Variants in AMBP observed in about 807,000 individuals in gnomAD.
The protein encoded by AMBP is alpha-1-microglobulin/bikunin precursor.
A neutral mutation model predicts 46.3 loss-of-function variants in AMBP; 37 were observed. The observed-to-expected ratio is 0.80, with a 90% CI of 0.61 to 1.05. The LOEUF (loss-of-function observed/expected upper bound fraction) is 1.05. AMBP is among the 50% of genes least tolerant of loss of function. The probability of loss-of-function intolerance (pLI) is 0.00; values close to 1 mark genes in which losing one functional copy is unlikely to be tolerated. For synonymous variants in AMBP, 174 were observed against 175.9 expected (o/e 0.99, Z 0.09); for missense variants, 475 against 461.2 (o/e 1.03, Z -0.27).
intron 7 of AMBP, 105 bp from the exon 8 acceptor site, chr9:114,061,696 T>C: frequency 7.5e-7 from 1 of 1,327,318 alleles, no homozygotes; most frequent in South Asian, 1.6e-5. Flanking sequence ...ACTAAAAGGA[T>C]TATCAATTCT....
At chr9:114,077,956 T>G (rs369878777) in intron 1 of AMBP, 137 bp downstream of exon 1, 5 of 867,324 alleles carry the variant, frequency 5.8e-6, no homozygotes, top group South Asian at 3.0e-5. Context: ...GAGCTGTACC[T>G]TCAAAGGATC....
chr9:114,062,790 C>T (rs758041826), intron 6 of AMBP, 32 bp from the exon 7 acceptor site: 3 of 1,602,926 alleles, frequency 1.9e-6, no homozygotes, highest in African/African-American at 2.7e-5. Context: ...GAAGCAGTTG[C>T]AGACTCCTTG....
At chr9:114,061,375 A>C (rs1265278315) in intron 8 of AMBP, 49 bp downstream of exon 8, 9 of 1,610,660 alleles carry the variant, frequency 5.6e-6, no homozygotes, top group Non-Finnish European at 6.8e-6. Flanking sequence ...TACTGGAGGG[A>C]CAGGGTCTTG....
At chr9:114,073,421 T>C (rs1846766661) in intron 4 of AMBP, among the ~76,000 whole-genome samples, 1 of 151,172 alleles carries the variant, frequency 6.6e-6, no homozygotes, top group Non-Finnish European at 1.5e-5. Flanking sequence ...TAATGTTTTG[T>C]ATTTTCAGTA....
intron 5 of AMBP, 71 bp from the exon 6 acceptor site, chr9:114,069,816 G>C: frequency 6.6e-7 from 1 of 1,510,322 alleles, no homozygotes; most frequent in Non-Finnish European, 9.2e-7. Flanking sequence ...ACCCGGATTT[G>C]TATCTTTGGT....
At chr9:114,071,997 G>A (rs575633908) in intron 5 of AMBP, among the ~76,000 whole-genome samples, 4 of 152,108 alleles carry the variant, frequency 2.6e-5, no homozygotes, top group East Asian at 1.9e-4. Context: ...CCTTCATCTC[G>A]CTCACCCTAC....
At chr9:114,068,732 T>A (rs937608717) in intron 6 of AMBP, among the ~76,000 whole-genome samples, 6 of 151,336 alleles carry the variant, frequency 4.0e-5, no homozygotes, top group Non-Finnish European at 5.9e-5. Flanking sequence ...TCCTTTTTTC[T>A]ATAAGTCCTT....
intron 7 of AMBP, among the ~76,000 whole-genome samples, 191 bp from the exon 8 acceptor site, chr9:114,061,782 C>A (rs1846642076): frequency 6.6e-6 from 1 of 152,160 alleles, no homozygotes; most frequent in Admixed American, 6.5e-5. Context: ...ATTCAAAACC[C>A]TGTCTCCAAA....
Position 114,069,707 on chromosome 9 carries a change from A to T in AMBP, c.595T>A (p.Leu199Ile), listed in dbSNP as rs765225384. The change falls in exon 6 of 10, where the codon TTA becomes ATA. Residue 199 changes from leucine (L) to isoleucine (I), a missense_variant. Physicochemically the swap from Leu to Ile is conservative, Grantham distance 5. Transcript: ENST00000265132. The stretch of plus-strand genomic sequence containing the variant: ...GGGGATGAGGCACTCACCGGGATTA[A>T]GATGGGCTCTGGTTCCTGCTCCCCA... ...VPGEQEPEPILIPRVRRAVLP... is the reference protein window; with the variant it reads ...VPGEQEPEPIIIPRVRRAVLP... The T allele has an allele frequency of 6.2e-7, 1 of 1,613,728 alleles. No individual in the cohort carries two copies. The highest frequency in any genetic ancestry group is 8.5e-7 in the Non-Finnish European group (1 of 1,179,974).
intron 9 of AMBP, among the ~76,000 whole-genome samples, chr9:114,060,678 C>A (rs1846625188): frequency 6.6e-6 from 1 of 152,158 alleles, no homozygotes; most frequent in South Asian, 2.1e-4. Flanking sequence ...AAAATTAGAA[C>A]CCAGCTCTGC....
intron 8 of AMBP, 58 bp from the exon 9 acceptor site, chr9:114,061,156 T>TA (rs1846633186): frequency 1.9e-6 from 3 of 1,579,752 alleles, no homozygotes; most frequent in Non-Finnish European, 2.6e-6. Context: ...TGATCAGACA[T>TA]ACATGAGACT....
chr9:114,062,436 G>C (rs1201390833), intron 7 of AMBP, among the ~76,000 whole-genome samples: 1 of 152,224 alleles, frequency 6.6e-6, no homozygotes, highest in African/African-American at 2.4e-5. Flanking sequence ...GACAGGGCAA[G>C]AACCAGCTTC....
chr9:114,069,893 C>G (rs1024494675), intron 5 of AMBP, 148 bp from the exon 6 acceptor site: 3 of 743,770 alleles, frequency 4.0e-6, no homozygotes, highest in Non-Finnish European at 6.8e-6. Context: ...GTGTGGCTTG[C>G]TCAAGGCCAT....
chr9:114,069,749 G>A lies in AMBP; in HGVS notation c.557-4C>T. ...TGCTCCCCAGGGACACATTCACCTAGGTCACAGAGCAGGAGAGAGGAGTGA... is the reference window on the plus strand; with the variant it reads ...TGCTCCCCAGGGACACATTCACCTAAGTCACAGAGCAGGAGAGAGGAGTGA... On this transcript the variant is annotated splice_region_variant and splice_polypyrimidine_tract_variant and intron_variant, in intron 5 of 9. Transcript: ENST00000265132. 1 of 1,614,126 alleles carries A rather than the reference G, an allele frequency of 6.2e-7. No homozygotes were observed. The highest frequency in any genetic ancestry group is 8.5e-7 in the Non-Finnish European group (1 of 1,180,008).
chr9:114,065,078 C>T (rs1846680407), intron 6 of AMBP, among the ~76,000 whole-genome samples: 1 of 152,152 alleles, frequency 6.6e-6, no homozygotes, highest in East Asian at 1.9e-4. Context: ...ATCACACCAG[C>T]CCACCTAGGG....
At chr9:114,060,779 T>C in intron 9 of AMBP, 146 bp downstream of exon 9, 1 of 983,772 alleles carries the variant, frequency 1.0e-6, no homozygotes, top group Non-Finnish European at 1.5e-6. Flanking sequence ...GGCCCCAGGC[T>C]CAGCCCCATT....
chr9:114,069,646 G>T, intron 6 of AMBP, 53 bp downstream of exon 6: 1 of 1,541,398 alleles, frequency 6.5e-7, no homozygotes, highest in Non-Finnish European at 8.9e-7. Context: ...AGCGTGCCTG[G>T]GGCAGAGTGG....
intron 1 of AMBP, chr9:114,077,733 G>A (rs1564374088): frequency 4.4e-6 from 1 of 229,580 alleles, no homozygotes; most frequent in Non-Finnish European, 8.7e-6. Flanking sequence ...CAGAGAGAGG[G>A]GAGTCATTAG....
rs367608142 is a variant in AMBP at position 114,060,294 on chromosome 9, G to A, written c.1028-24C>T. 75 of 1,612,486 alleles carry A rather than the reference G, an allele frequency of 4.7e-5. No individual in the cohort carries two copies. In the African/African-American group the frequency reaches 9.5e-4, roughly 20 times the overall value. ...ACCTGTGGACACAGAGAGACTCAGG[G>A]AGGGGTCCGTAGGCAGGGACACTCA... On this transcript the variant is annotated intron_variant, in intron 9 of 9. Coordinates refer to ENST00000265132, the MANE Select transcript of AMBP (RefSeq NM_001633.4).
Sources: gnomAD v4.1 joint callset for allele counts (sites outside exome capture counted in the v4.1 genomes callset) on GRCh38, gnomAD v4.1.1 for gene constraint, MANE v1.5 for transcripts, NCBI Gene and HGNC (gene_info 2026-07-23, HGNC 2026-07-21) for gene names.